Variants in WWOX observed in about 807,000 individuals in gnomAD.
WWOX encodes the protein WW domain containing oxidoreductase.
WWOX carries 69 observed loss-of-function variants against 46.2 expected under a neutral mutation model. The observed-to-expected ratio is 1.49, with a 90% confidence interval of 1.23 to 1.82. The LOEUF (loss-of-function observed/expected upper bound fraction) is 1.82. WWOX is among the 40% of genes most tolerant of loss of function. The pLI is 0.00. For missense variants in WWOX, 919 were observed against 542.6 expected (o/e 1.69, Z -6.89); for synonymous variants, 359 against 202.6 (o/e 1.77, Z -6.56).
At chr16:78,753,887 A>C (rs1485576018) in intron 8 of WWOX, among the ~76,000 whole-genome samples, 1 of 137,546 alleles carries the variant, frequency 7.3e-6, no homozygotes, top group Non-Finnish European at 1.6e-5. Flanking sequence ...AATTTAAGGA[A>C]GCATAGAATT....
intron 8 of WWOX, among the ~76,000 whole-genome samples, chr16:79,013,050 C>A (rs2151378163): frequency 6.6e-6 from 1 of 152,306 alleles, no homozygotes; most frequent in South Asian, 2.1e-4. Flanking sequence ...GCCTGAGCAA[C>A]AGAGCAAGAC....
chr16:78,896,255 A>G lies in WWOX; in HGVS notation c.1057-315353A>G, dbSNP rs574509719. On this transcript the variant is annotated intron_variant, in intron 8 of 8. Transcript: ENST00000566780. ...AAAAAAAGTCACCAAGTTGTTTCCA[A>G]TTGTTTTTGTAAATTTGCTTAGTCA... The G allele has an allele frequency of 1.2e-4, 19 of 152,216 alleles. No homozygotes were observed. The East Asian group carries it at 1.9e-3, about 15-fold the overall frequency. The allele number at this position is 152,216 out of a possible 1,614,324, so 9.4% of individuals were successfully genotyped here. A position where few individuals can be genotyped will look rare whatever the true frequency, so the allele number is the denominator to read the frequency against.
chr16:78,592,177 G>T (rs891812096), intron 8 of WWOX, among the ~76,000 whole-genome samples: 11 of 152,170 alleles, frequency 7.2e-5, no homozygotes, highest in Admixed American at 7.2e-4. Context: ...GGTCTGCTAG[G>T]CAAAGAAGCT....
chr16:79,067,089 C>CTCACTA (rs778769946), intron 8 of WWOX, among the ~76,000 whole-genome samples: 29 of 152,180 alleles, frequency 1.9e-4, no homozygotes, highest in Non-Finnish European at 3.4e-4. Context: ...TGAGGTCTCC[C>CTCACTA]TGAAAGGAGC....
chr16:78,624,499 C>T (rs1013906317), intron 8 of WWOX, among the ~76,000 whole-genome samples: 11 of 152,164 alleles, frequency 7.2e-5, no homozygotes, highest in African/African-American at 2.4e-4. Context: ...AAATCTTTCC[C>T]TCACAGGACA....
intron 8 of WWOX, among the ~76,000 whole-genome samples, chr16:78,995,577 AAAAG>A (rs1045313372): frequency 1.3e-5 from 2 of 152,116 alleles, no homozygotes; most frequent in African/African-American, 4.8e-5. Context: ...AAAAAAAAGA[AAAAG>A]AAAAAGAAAG....
chr16:78,725,907 C>G (rs1246254986), intron 8 of WWOX, among the ~76,000 whole-genome samples: 1 of 151,988 alleles, frequency 6.6e-6, no homozygotes, highest in Non-Finnish European at 1.5e-5. Context: ...TGTCTCTACT[C>G]CTTTTCTTCT....
intron 6 of WWOX, among the ~76,000 whole-genome samples, chr16:78,416,898 A>C (rs1010108134): frequency 6.6e-6 from 1 of 152,208 alleles, no homozygotes; most frequent in Non-Finnish European, 1.5e-5. Flanking sequence ...CACAGGGGTG[A>C]ACTAACTGGC....
intron 8 of WWOX, among the ~76,000 whole-genome samples, chr16:78,719,098 G>A (rs1316194230): frequency 1.3e-5 from 2 of 152,160 alleles, no homozygotes; most frequent in South Asian, 2.1e-4. Flanking sequence ...CCCTCATGAC[G>A]CACAACTGGT....
At chr16:79,022,029 A>G (rs751295758) in intron 8 of WWOX, among the ~76,000 whole-genome samples, 4 of 152,226 alleles carry the variant, frequency 2.6e-5, no homozygotes, top group Non-Finnish European at 5.9e-5. Context: ...CAGCTTTGAC[A>G]CATGAATAGG....
At chr16:78,550,138 C>T (rs958180994) in intron 8 of WWOX, among the ~76,000 whole-genome samples, 1 of 152,172 alleles carries the variant, frequency 6.6e-6, no homozygotes, top group African/African-American at 2.4e-5. Flanking sequence ...TTAACATTCT[C>T]TTCTTCACTA....
intron 8 of WWOX, among the ~76,000 whole-genome samples, chr16:78,893,191 T>TAGA (rs1291165066): frequency 2.0e-5 from 3 of 146,582 alleles, no homozygotes; most frequent in African/African-American, 7.5e-5. Context: ...TGACTATAGC[T>TAGA]AGAAAAAAAA....
At chr16:78,588,229 A>G (rs1043554006) in intron 8 of WWOX, among the ~76,000 whole-genome samples, 14 of 152,228 alleles carry the variant, frequency 9.2e-5, no homozygotes, top group African/African-American at 3.1e-4. Context: ...TGTAGATGAC[A>G]ATAGCCTCAA....
At chr16:78,572,052 T>C (rs535001920) in intron 8 of WWOX, among the ~76,000 whole-genome samples, 2 of 152,306 alleles carry the variant, frequency 1.3e-5, no homozygotes, top group African/African-American at 4.8e-5. Flanking sequence ...AAGTAGTACT[T>C]AGCAACTTAT....
intron 8 of WWOX, chr16:79,078,202 T>C (rs1724122305): frequency 6.6e-6 from 1 of 152,242 alleles, no homozygotes; most frequent in South Asian, 2.1e-4. Context: ...GACATTCAGA[T>C]AAAGTCTGTG....
intron 8 of WWOX, among the ~76,000 whole-genome samples, chr16:78,539,107 C>G (rs1196887561): frequency 6.6e-6 from 1 of 152,224 alleles, no homozygotes; most frequent in African/African-American, 2.4e-5. Flanking sequence ...ACCCTGATAA[C>G]TTGTGCCTGC....
At chr16:78,926,879 C>G (rs971557852) in intron 8 of WWOX, among the ~76,000 whole-genome samples, 2 of 152,128 alleles carry the variant, frequency 1.3e-5, no homozygotes, top group African/African-American at 4.8e-5. Flanking sequence ...TTACTGCAGC[C>G]TCTACTTCCT....
At chr16:78,479,300 G>C (rs2084432174) in intron 8 of WWOX, among the ~76,000 whole-genome samples, 1 of 152,168 alleles carries the variant, frequency 6.6e-6, no homozygotes, top group Admixed American at 6.5e-5. Context: ...AAGCCTTCCA[G>C]GATCTTATTA....
chr16:78,626,159 C>G (rs1301838543), intron 8 of WWOX, among the ~76,000 whole-genome samples: 1 of 151,200 alleles, frequency 6.6e-6, no homozygotes, highest in East Asian at 1.9e-4. Flanking sequence ...GAGATGGAGT[C>G]TGGCTCTTTT....
Sources: allele counts gnomAD v4.1 joint callset (sites outside exome capture counted in the v4.1 genomes callset), GRCh38; gene constraint gnomAD v4.1.1; transcripts MANE v1.5; gene names NCBI Gene and HGNC (gene_info 2026-07-23, HGNC 2026-07-21).